NIBAN1: variants seen among roughly 807,000 people sequenced by gnomAD.
NIBAN1 encodes the protein niban apoptosis regulator 1.
NIBAN1 carries 81 observed loss-of-function variants against 75.1 expected under a neutral mutation model. That is an observed-to-expected ratio of 1.08 (90% CI 0.90 to 1.30). The LOEUF (loss-of-function observed/expected upper bound fraction) is 1.30, where lower values mean the gene tolerates loss of function less well. NIBAN1 is among the 50% of genes most tolerant of loss of function. The pLI is 0.00. For missense variants in NIBAN1, 1,133 were observed against 1,128.1 expected, an observed-to-expected ratio of 1.00 and a Z score of -0.06; for synonymous variants, 436 against 424.8, an observed-to-expected ratio of 1.03 and a Z score of -0.32.
At chr1:184,822,125 T>C (rs1046387212) in intron 8 of NIBAN1, among the ~76,000 whole-genome samples, 4 of 151,856 alleles carry the variant, frequency 2.6e-5, no homozygotes, top group African/African-American at 9.7e-5. Flanking sequence ...AATGAATGAG[T>C]GAGTGAGGGA....
chr1:184,953,499 C>T (rs1658409165), intron 1 of NIBAN1, among the ~76,000 whole-genome samples: 1 of 152,202 alleles, frequency 6.6e-6, no homozygotes, highest in South Asian at 2.1e-4. Context: ...CAAAATACAT[C>T]ATATGTGTAT....
chr1:184,970,344 T>C (rs1658903952), intron 1 of NIBAN1, among the ~76,000 whole-genome samples: 2 of 152,130 alleles, frequency 1.3e-5, no homozygotes, highest in South Asian at 4.1e-4. Flanking sequence ...GACCAGTTCT[T>C]ATGCCCATCT....
At chr1:184,833,855 T>C (rs1013217978) in intron 5 of NIBAN1, among the ~76,000 whole-genome samples, 32 of 151,418 alleles carry the variant, frequency 2.1e-4, no homozygotes, top group Non-Finnish European at 3.5e-4. Context: ...GAAAATTTTT[T>C]CTTTTTTTTT....
At chr1:184,824,219 C>T (rs1356561214) in intron 6 of NIBAN1, among the ~76,000 whole-genome samples, 1 of 152,124 alleles carries the variant, frequency 6.6e-6, no homozygotes, top group South Asian at 2.1e-4. Flanking sequence ...CCATGCTCTT[C>T]GTCCCCACTG....
chr1:184,815,177 A>G (rs1343591016), intron 9 of NIBAN1, among the ~76,000 whole-genome samples: 1 of 152,236 alleles, frequency 6.6e-6, no homozygotes, highest in Non-Finnish European at 1.5e-5. Flanking sequence ...GTTGTATAAA[A>G]GCTTTCCCAT....
At chr1:184,869,144 T>C (rs1338521214) in intron 5 of NIBAN1, among the ~76,000 whole-genome samples, 1 of 152,162 alleles carries the variant, frequency 6.6e-6, no homozygotes, top group African/African-American at 2.4e-5. Flanking sequence ...GGCATATTGC[T>C]TTCCTCTGGG....
chr1:184,840,737 C>T (rs776585520), intron 5 of NIBAN1, among the ~76,000 whole-genome samples: 7 of 150,526 alleles, frequency 4.7e-5, no homozygotes, highest in East Asian at 1.9e-4. Context: ...AGAAGGCTGT[C>T]GGAGACATCC....
intron 9 of NIBAN1, among the ~76,000 whole-genome samples, chr1:184,815,702 A>AT (rs1156382659): frequency 5.9e-5 from 9 of 152,244 alleles, no homozygotes; most frequent in African/African-American, 2.2e-4. Context: ...ACTTTAATAG[A>AT]TAAAAAATGA....
chr1:184,965,739 GC>G lies in NIBAN1; in HGVS notation c.55+8562del, dbSNP rs199802849. Among the ~76,000 whole-genome samples, 184 of 152,234 alleles carry G rather than the reference GC, an allele frequency of 1.2e-3. 1 individual carries two copies. In the East Asian group the frequency reaches 0.032, roughly 26 times the overall value. On this transcript the variant is annotated intron_variant, in intron 1 of 13. Coordinates refer to ENST00000367511, the MANE Select transcript of NIBAN1 (RefSeq NM_052966.4). Reference sequence around the variant, plus strand: ...GGTGATGAAATAATCTGTACAACAAGCCCCCACGGCGCTTCGTTTCCCTATG... The same window carrying G: ...GGTGATGAAATAATCTGTACAACAAGCCCCACGGCGCTTCGTTTCCCTATG...
intron 6 of NIBAN1, among the ~76,000 whole-genome samples, chr1:184,831,151 C>G (rs1205053176): frequency 6.6e-6 from 1 of 152,134 alleles, no homozygotes; most frequent in East Asian, 1.9e-4. Flanking sequence ...ATTTATAATA[C>G]TGTCCCTGGG....
intron 5 of NIBAN1, among the ~76,000 whole-genome samples, chr1:184,869,032 C>A (rs1656030646): frequency 6.6e-6 from 1 of 152,130 alleles, no homozygotes; most frequent in Non-Finnish European, 1.5e-5. Context: ...TCAGCATCAG[C>A]ATTACCTGAG....
intron 1 of NIBAN1, among the ~76,000 whole-genome samples, chr1:184,914,621 A>G (rs1217545653): frequency 1.3e-5 from 2 of 152,136 alleles, no homozygotes; most frequent in Admixed American, 6.5e-5. Flanking sequence ...ACATGATGCT[A>G]TGGGATACAT....
intron 5 of NIBAN1, among the ~76,000 whole-genome samples, chr1:184,853,896 G>A (rs1655607458): frequency 6.6e-6 from 1 of 152,040 alleles, no homozygotes; most frequent in South Asian, 2.1e-4. Flanking sequence ...TGCTATTCAA[G>A]AGAAATATAA....
chr1:184,854,105 T>C (rs1655614797), intron 5 of NIBAN1, among the ~76,000 whole-genome samples: 1 of 152,198 alleles, frequency 6.6e-6, no homozygotes, highest in African/African-American at 2.4e-5. Flanking sequence ...GTCTTTGAAA[T>C]CTGATGTGCC....
chr1:184,935,981 A>G (rs1275812019), intron 1 of NIBAN1, among the ~76,000 whole-genome samples: 2 of 150,954 alleles, frequency 1.3e-5, no homozygotes, highest in Admixed American at 1.3e-4. Context: ...GAGCTGACGA[A>G]CCACAGCTAT....
intron 8 of NIBAN1, 76 bp downstream of exon 8, chr1:184,823,091 T>C: frequency 6.6e-7 from 1 of 1,505,050 alleles, no homozygotes; most frequent in Non-Finnish European, 9.0e-7. Flanking sequence ...TCTGAAACCA[T>C]GCATTCCTGC....
At chr1:184,956,025 T>TTTTG (rs113411056) in intron 1 of NIBAN1, among the ~76,000 whole-genome samples, 31,930 of 92,760 alleles carry the variant, frequency 0.34, 3,888 homozygotes, top group African/African-American at 0.46. Context: ...TATTTTTTCT[T>TTTTG]TTTGTTTGTT....
chr1:184,803,978 G>T (rs1004568702), intron 11 of NIBAN1, among the ~76,000 whole-genome samples: 25 of 152,192 alleles, frequency 1.6e-4, no homozygotes, highest in Non-Finnish European at 2.6e-4. Flanking sequence ...GGATAGAACT[G>T]GGGGGTGAGT....
At chr1:184,811,624 T>C (rs1293028325) in intron 9 of NIBAN1, among the ~76,000 whole-genome samples, 1 of 150,912 alleles carries the variant, frequency 6.6e-6, no homozygotes, top group Non-Finnish European at 1.5e-5. Context: ...TTGCCTCAGC[T>C]GGGACTACAG....
Sources: gnomAD v4.1 joint callset for allele counts (sites outside exome capture counted in the v4.1 genomes callset) on GRCh38, gnomAD v4.1.1 for gene constraint, MANE v1.5 for transcripts, NCBI Gene and HGNC (gene_info 2026-07-23, HGNC 2026-07-21) for gene names.